DDAH1: variants seen among roughly 807,000 people sequenced by gnomAD.
DDAH1 encodes N(G),N(G)-dimethylarginine dimethylaminohydrolase 1.
Under a neutral mutation model 28.8 loss-of-function variants are expected in DDAH1, and 19 were observed. The observed-to-expected ratio is 0.66, with a 90% CI of 0.46 to 0.97. The LOEUF (loss-of-function observed/expected upper bound fraction) is 0.97. Among genes scored for constraint, DDAH1 ranks in the 50% least tolerant of loss-of-function variants. The pLI is 0.00. For missense variants in DDAH1, 326 were observed against 375.9 expected (o/e 0.87, Z 1.10); for synonymous variants, 153 against 154.4 (o/e 0.99, Z 0.07).
chr1:85,480,107 C>T (rs1165897766), intron 2 of DDAH1, among the ~76,000 whole-genome samples: 1 of 152,202 alleles, frequency 6.6e-6, no homozygotes, highest in African/African-American at 2.4e-5. Flanking sequence ...GATGGTTCAA[C>T]ACTTCTGTCA....
intron 3 of DDAH1, among the ~76,000 whole-genome samples, chr1:85,351,001 C>A (rs963511488): frequency 1.3e-5 from 2 of 151,942 alleles, no homozygotes; most frequent in East Asian, 1.9e-4. Flanking sequence ...GCACAGGTGA[C>A]CCCTGATTCC....
chr1:85,470,932 C>A (rs1251592774), intron 2 of DDAH1, among the ~76,000 whole-genome samples: 1 of 152,198 alleles, frequency 6.6e-6, no homozygotes, highest in African/African-American at 2.4e-5. Flanking sequence ...TTCAGACAAG[C>A]CTGAATTTGA....
At chr1:85,449,435 A>T (rs1654569658) in intron 1 of DDAH1, among the ~76,000 whole-genome samples, 1 of 152,186 alleles carries the variant, frequency 6.6e-6, no homozygotes, top group South Asian at 2.1e-4. Flanking sequence ...TGAGCATATG[A>T]AATGAATAAG....
chr1:85,324,429 T>G (rs1647239883), intron 5 of DDAH1, among the ~76,000 whole-genome samples: 1 of 151,872 alleles, frequency 6.6e-6, no homozygotes, highest in Non-Finnish European at 1.5e-5. Context: ...TATCTGAGGG[T>G]GGGAAAGTAC....
chr1:85,353,611 G>A (rs1649344071), intron 2 of DDAH1, among the ~76,000 whole-genome samples: 1 of 151,716 alleles, frequency 6.6e-6, no homozygotes. Flanking sequence ...TATTTTACTT[G>A]AAAAAAGTAT....
At chr1:85,403,066 T>C (rs1319250605) in intron 1 of DDAH1, among the ~76,000 whole-genome samples, 2 of 152,018 alleles carry the variant, frequency 1.3e-5, no homozygotes, top group Non-Finnish European at 1.5e-5. Context: ...GTGTTGGCTG[T>C]GGACTGGGAC....
At chr1:85,556,840 G>C (rs1394635096) in intron 1 of DDAH1, among the ~76,000 whole-genome samples, 4 of 152,182 alleles carry the variant, frequency 2.6e-5, no homozygotes, top group African/African-American at 9.6e-5. Flanking sequence ...AAAGTGGCTG[G>C]GCATAGTGGC....
intron 1 of DDAH1, among the ~76,000 whole-genome samples, chr1:85,453,753 T>G (rs1654764236): frequency 6.6e-6 from 1 of 152,232 alleles, no homozygotes; most frequent in East Asian, 1.9e-4. Context: ...CAGAGAAAAC[T>G]AAATTTTCTT....
chr1:85,331,338 G>T (rs999211866), intron 4 of DDAH1, among the ~76,000 whole-genome samples: 6 of 151,958 alleles, frequency 3.9e-5, no homozygotes, highest in African/African-American at 1.5e-4. Context: ...TGAAGCAAAG[G>T]TATATAAAAG....
chr1:85,347,889 G>C (rs1442669571), intron 4 of DDAH1, among the ~76,000 whole-genome samples: 1 of 152,104 alleles, frequency 6.6e-6, no homozygotes, highest in Non-Finnish European at 1.5e-5. Flanking sequence ...AACCCATTTC[G>C]AACCTGTGAC....
At chr1:85,456,679 C>T (rs116307026) in intron 1 of DDAH1, among the ~76,000 whole-genome samples, 1,802 of 152,248 alleles carry the variant, frequency 0.012, 24 homozygotes, top group Non-Finnish European at 0.019. Context: ...TATGATATTG[C>T]CAACTTAAGA....
chr1:85,406,738 A>G (rs1652422867), intron 1 of DDAH1, among the ~76,000 whole-genome samples: 1 of 152,138 alleles, frequency 6.6e-6, no homozygotes, highest in African/African-American at 2.4e-5. Flanking sequence ...TTTTGAGTAT[A>G]CGAAGCACTG....
At chr1:85,565,034 A>C (rs1659254329) in intron 1 of DDAH1, among the ~76,000 whole-genome samples, 1 of 151,854 alleles carries the variant, frequency 6.6e-6, no homozygotes, top group Admixed American at 6.6e-5. Flanking sequence ...ATTTCTACTG[A>C]AAATACAAAA....
At chr1:85,347,587 T>C (rs1472650376) in intron 4 of DDAH1, among the ~76,000 whole-genome samples, 1 of 149,364 alleles carries the variant, frequency 6.7e-6, no homozygotes, top group Non-Finnish European at 1.5e-5. Context: ...GGACACAGGA[T>C]GGGGAACATC....
At chr1:85,472,000 C>T (rs1278044431) in intron 2 of DDAH1, among the ~76,000 whole-genome samples, 2 of 152,198 alleles carry the variant, frequency 1.3e-5, no homozygotes, top group Non-Finnish European at 1.5e-5. Context: ...TCCCATGCCC[C>T]ACTGAGGCTA....
At chr1:85,497,541 T>C (rs1034437048) in intron 1 of DDAH1, among the ~76,000 whole-genome samples, 1 of 152,176 alleles carries the variant, frequency 6.6e-6, no homozygotes, top group Admixed American at 6.5e-5. Flanking sequence ...TTACAGAAAA[T>C]TTTTAGATAA....
chr1:85,505,693 A>T (rs550565411), intron 1 of DDAH1, among the ~76,000 whole-genome samples: 12 of 152,064 alleles, frequency 7.9e-5, no homozygotes, highest in Non-Finnish European at 1.8e-4. Flanking sequence ...TTGAAATAAT[A>T]CTCTATTATC....
rs554499180 is a variant in DDAH1, at chr1:85,564,023, T to C, written c.-123+13961A>G. Among the ~76,000 whole-genome samples the C allele has an allele frequency of 7.2e-5, 11 of 152,058 alleles. No individual in the cohort carries two copies. In the South Asian group the frequency reaches 1.9e-3, roughly 26 times the overall value. ...CCCGTCTCTACTAAAATACCAAAAA[T>C]TAGCTGGGCATGGTGGTATGCACCT... On this transcript the variant is annotated intron_variant, in intron 1 of 6. Transcript: ENST00000426972.
chr1:85,328,095 G>A (rs1022550353), intron 4 of DDAH1, among the ~76,000 whole-genome samples: 3 of 152,132 alleles, frequency 2.0e-5, no homozygotes, highest in African/African-American at 7.2e-5. Flanking sequence ...TTTTTAATGT[G>A]AAAAAACATG....
Sources: allele counts gnomAD v4.1 joint callset (sites outside exome capture counted in the v4.1 genomes callset), GRCh38; gene constraint gnomAD v4.1.1; transcripts MANE v1.5; gene names NCBI Gene and HGNC (gene_info 2026-07-23, HGNC 2026-07-21).